The following PDS5A variants were observed in gnomAD, a reference collection of about 807,000 sequenced individuals.
The protein encoded by PDS5A is PDS5 cohesin associated factor A.
PDS5A carries 42 observed loss-of-function variants against 167.1 expected under a neutral mutation model. That is an observed-to-expected ratio of 0.25 (90% confidence interval 0.20 to 0.33). The LOEUF (loss-of-function observed/expected upper bound fraction) is 0.33. Among genes scored for constraint, PDS5A ranks in the 10% least tolerant of loss-of-function variants. The pLI is 1.00. For synonymous variants in PDS5A, 553 were observed against 554.6 expected (o/e 1.00, Z 0.04); for missense variants, 1,033 against 1,605.9 (o/e 0.64, Z 6.10).
intron 2 of PDS5A, among the ~76,000 whole-genome samples, chr4:39,942,104 T>A (rs1340921289): frequency 6.6e-6 from 1 of 152,154 alleles, no homozygotes; most frequent in Non-Finnish European, 1.5e-5. Flanking sequence ...CAAAGAGTGA[T>A]TTCCTATGGC....
At chr4:39,843,114 A>T (rs1717215149) in intron 30 of PDS5A, among the ~76,000 whole-genome samples, 1 of 151,250 alleles carries the variant, frequency 6.6e-6, no homozygotes, top group South Asian at 2.1e-4. Flanking sequence ...GGCTCCAGTG[A>T]TTATCCTTCC....
At chr4:39,859,276 TAAAA>T (rs1201202192) in intron 26 of PDS5A, among the ~76,000 whole-genome samples, 6 of 151,964 alleles carry the variant, frequency 3.9e-5, no homozygotes, top group African/African-American at 1.2e-4. Flanking sequence ...TTGAAAAACT[TAAAA>T]AAACAAACAA....
chr4:39,838,322 G>T, intron 31 of PDS5A, 114 bp from the exon 32 acceptor site: 2 of 744,136 alleles, frequency 2.7e-6, no homozygotes, highest in Non-Finnish European at 4.3e-6. Flanking sequence ...AGGGCTTCCA[G>T]TTAACTGCTT....
At chr4:39,970,402 AC>A (rs1730389293) in intron 2 of PDS5A, among the ~76,000 whole-genome samples, 1 of 151,766 alleles carries the variant, frequency 6.6e-6, no homozygotes, top group East Asian at 1.9e-4. Flanking sequence ...ATTATTGTCA[AC>A]GAAGCTTCAA....
chr4:39,905,028 G>C (rs2109664021), intron 11 of PDS5A, among the ~76,000 whole-genome samples: 1 of 152,320 alleles, frequency 6.6e-6, no homozygotes, highest in East Asian at 1.9e-4. Flanking sequence ...GCCAGGCATG[G>C]TGGCTCATGC....
At chr4:39,954,462 G>A (rs1175229764) in intron 2 of PDS5A, among the ~76,000 whole-genome samples, 1 of 151,958 alleles carries the variant, frequency 6.6e-6, no homozygotes, top group African/African-American at 2.4e-5. Context: ...GGGATTACGG[G>A]CATGTGCCAC....
chr4:39,879,168 T>C (rs1720731832), intron 18 of PDS5A, among the ~76,000 whole-genome samples: 1 of 152,174 alleles, frequency 6.6e-6, no homozygotes, highest in African/African-American at 2.4e-5. Context: ...GCCTTCAATT[T>C]CTTCCCTTCT....
intron 2 of PDS5A, among the ~76,000 whole-genome samples, chr4:39,937,224 T>C (rs1213096997): frequency 6.6e-6 from 1 of 152,178 alleles, no homozygotes; most frequent in Non-Finnish European, 1.5e-5. Context: ...AGCTATCTAG[T>C]GGCACTGCCA....
chr4:39,927,900 A>G, intron 3 of PDS5A, 61 bp downstream of exon 3: 1 of 1,131,570 alleles, frequency 8.8e-7, no homozygotes, highest in Non-Finnish European at 1.3e-6. Flanking sequence ...TAAAAATAAA[A>G]GTATACCTTC....
intron 2 of PDS5A, among the ~76,000 whole-genome samples, chr4:39,954,670 T>TAAAAAA (rs777287409): frequency 7.5e-4 from 36 of 48,226 alleles, no homozygotes; most frequent in Non-Finnish European, 9.0e-4. Context: ...AAGAGATAAG[T>TAAAAAA]AAAAAAAAAA....
intron 5 of PDS5A, among the ~76,000 whole-genome samples, chr4:39,924,968 C>T (rs200551130): frequency 2.0e-5 from 3 of 151,992 alleles, no homozygotes; most frequent in Non-Finnish European, 4.4e-5. Flanking sequence ...AAAAATTAGC[C>T]GGGTGTGGTG....
chr4:39,930,246 A>AAAAAAAAAATTTTTTTTT, intron 2 of PDS5A, among the ~76,000 whole-genome samples: 2 of 93,090 alleles, frequency 2.1e-5, no homozygotes, highest in African/African-American at 3.7e-5. Flanking sequence ...AAAAAAAAAA[A>AAAAAAAAAATTTTTTTTT]GTTTTTTTGT....
chr4:39,922,773 AAGT>A (rs1335039511), intron 5 of PDS5A, 25 bp from the exon 6 acceptor site: 1 of 1,407,532 alleles, frequency 7.1e-7, no homozygotes, highest in Non-Finnish European at 9.3e-7. Flanking sequence ...AAAAAAGAAT[AAGT>A]AGTAGGAGGA....
Position 39,845,894 on chromosome 4 carries a change from A to C in PDS5A, c.3340-14T>G. 7.5e-7 allele frequency: 1 copy of C among 1,335,396 alleles called. No individual in the cohort carries two copies. The highest frequency in any genetic ancestry group is 9.7e-7 in the Non-Finnish European group (1 of 1,026,792). 82.7% of individuals were successfully genotyped at this position (1,335,396 alleles called of 1,614,324 possible). ...GTTACAGAAGTCCTATTAAAAAAAA[A>C]AAAGAAAAAGAAAAAAGAAACACCA... On this transcript the variant is annotated splice_polypyrimidine_tract_variant and intron_variant, in intron 28 of 32. Transcript: ENST00000303538.
chr4:39,949,736 C>G (rs1482125962), intron 2 of PDS5A, among the ~76,000 whole-genome samples: 1 of 141,310 alleles, frequency 7.1e-6, no homozygotes, highest in Admixed American at 7.7e-5. Context: ...TGGGGTGGCA[C>G]AATCACTGAA....
chr4:39,873,577 T>C (rs1720228431), intron 20 of PDS5A, among the ~76,000 whole-genome samples: 1 of 151,764 alleles, frequency 6.6e-6, no homozygotes, highest in South Asian at 2.1e-4. Context: ...AATACATTTC[T>C]AATAGTAAAA....
At position 39,824,546 on chromosome 4, in the gene PDS5A, T is replaced by C. The variant is rs1578550340; in HGVS notation, c.*939A>G. 6.5e-6 allele frequency: 1 copy of C among 152,682 alleles called. No homozygotes were observed. Among genetic ancestry groups the C allele is most frequent in the Non-Finnish European group, 1.5e-5 (1 of 68,022 alleles). 9.5% of individuals were successfully genotyped at this position (152,682 alleles called of 1,614,324 possible). A position where few individuals can be genotyped will look rare whatever the true frequency, so the allele number is the denominator to read the frequency against. ...TAGCAATCCTAAAACACCTCCAACT[T>C]TCCTTAAAAGCTGCCAAAGTCCAAC... On this transcript the variant is annotated 3_prime_UTR_variant, in exon 33 of 33. Coordinates refer to ENST00000303538, the MANE Select transcript of PDS5A (RefSeq NM_001100399.2).
At chr4:39,918,354 T>C (rs984864544) in intron 7 of PDS5A, among the ~76,000 whole-genome samples, 3 of 119,030 alleles carry the variant, frequency 2.5e-5, no homozygotes, top group East Asian at 5.1e-4. Flanking sequence ...ATACAAAAGC[T>C]GATTTTTTTT....
chr4:39,967,575 A>G (rs561854538), intron 2 of PDS5A, among the ~76,000 whole-genome samples: 2 of 152,032 alleles, frequency 1.3e-5, no homozygotes, highest in African/African-American at 4.8e-5. Flanking sequence ...TGAACTCAGG[A>G]GGCGGAAGTT....
Sources: gnomAD v4.1 joint callset for allele counts (sites outside exome capture counted in the v4.1 genomes callset) on GRCh38, gnomAD v4.1.1 for gene constraint, MANE v1.5 for transcripts, NCBI Gene and HGNC (gene_info 2026-07-23, HGNC 2026-07-21) for gene names.